The following PCNX2 variants were observed in gnomAD, a reference collection of about 807,000 sequenced individuals.
PCNX2 encodes the protein pecanex-like protein 2.
PCNX2 carries 168 observed loss-of-function variants against 223.8 expected under a neutral mutation model. That is an observed-to-expected ratio of 0.75 (90% CI 0.66 to 0.85). The LOEUF (loss-of-function observed/expected upper bound fraction) is 0.85, where lower values mean the gene tolerates loss of function less well. Among genes scored for constraint, PCNX2 ranks in the 40% least tolerant of loss-of-function variants. The pLI is 0.00. For synonymous variants in PCNX2, 1,006 were observed against 1,052.6 expected, an observed-to-expected ratio of 0.96 and a Z score of 0.86; for missense variants, 2,507 against 2,675.5, an observed-to-expected ratio of 0.94 and a Z score of 1.39.
chr1:233,036,800 C>T (rs1572034954), intron 25 of PCNX2, among the ~76,000 whole-genome samples: 1 of 152,100 alleles, frequency 6.6e-6, no homozygotes, highest in Admixed American at 6.5e-5. Flanking sequence ...ACTAGAATTT[C>T]TAAGAAATGA....
At position 233,269,856 on chromosome 1, in the gene PCNX2, T is replaced by G. The variant is rs542413630; in HGVS notation, c.154-6693A>C. Among the ~76,000 whole-genome samples, 13 of 152,290 alleles carry G rather than the reference T, an allele frequency of 8.5e-5. No homozygotes were observed. In the South Asian group the frequency reaches 2.7e-3, roughly 32 times the overall value. On this transcript the variant is annotated intron_variant, in intron 1 of 33. Transcript: ENST00000258229. Reference sequence around the variant, plus strand: ...TTAGTCTGGTTATTTATGCCATCCGTGGGCTTTAGAACCTCCTACTCAAGC... The same window carrying G: ...TTAGTCTGGTTATTTATGCCATCCGGGGGCTTTAGAACCTCCTACTCAAGC...
At chr1:233,209,378 A>G (rs973135813) in intron 12 of PCNX2, among the ~76,000 whole-genome samples, 1 of 152,234 alleles carries the variant, frequency 6.6e-6, no homozygotes, top group African/African-American at 2.4e-5. Context: ...AGAAAAATTA[A>G]GGAAAAGATA....
At position 233,295,697 on chromosome 1, in the gene PCNX2, C is replaced by T. The variant is rs1281307246; in HGVS notation, c.-219G>A. Reference sequence around the variant, plus strand: ...CGGCGCCGGAGCCGGCTGCTGCGGCCGGGCAGGTGAGCGCCATGTCCGAGG... The same window carrying T: ...CGGCGCCGGAGCCGGCTGCTGCGGCTGGGCAGGTGAGCGCCATGTCCGAGG... On this transcript the variant is annotated 5_prime_UTR_variant, in exon 1 of 34. Transcript: ENST00000258229. This position sits in a 1 kb window ranked among gnomAD's most constrained non-coding sequence, Gnocchi z 4.1. 2 of 434,070 alleles carry T rather than the reference C, an allele frequency of 4.6e-6. No homozygotes were observed. The highest frequency in any genetic ancestry group is 8.5e-5 in the South Asian group (1 of 11,828). 26.9% of individuals were successfully genotyped at this position (434,070 alleles called of 1,614,324 possible).
At chr1:233,175,538 T>C (rs1369771824) in intron 17 of PCNX2, among the ~76,000 whole-genome samples, 3 of 152,160 alleles carry the variant, frequency 2.0e-5, no homozygotes, top group African/African-American at 4.8e-5. Context: ...GGGCATAGTT[T>C]TTCTCAGATA....
chr1:233,133,681 C>T (rs886263269), intron 21 of PCNX2, among the ~76,000 whole-genome samples: 2 of 140,798 alleles, frequency 1.4e-5, no homozygotes, highest in Non-Finnish European at 3.2e-5. Context: ...CATAGCAAGA[C>T]CCTATCTTTA....
rs144082743 is a variant in PCNX2, at chr1:233,293,513, C to T, written c.153+1813G>A. On this transcript the variant is annotated intron_variant, in intron 1 of 33. Coordinates refer to ENST00000258229, the MANE Select transcript of PCNX2 (RefSeq NM_014801.4). Reference sequence around the variant, plus strand: ...CAACAACTAAGTACCAGACAGAATTCGAAAAGTACTATTAATGCTAATAGT... The same window carrying T: ...CAACAACTAAGTACCAGACAGAATTTGAAAAGTACTATTAATGCTAATAGT... Among the ~76,000 whole-genome samples the T allele has an allele frequency of 5.4e-4, 82 of 152,202 alleles. No individual in the cohort carries two copies. The East Asian group carries it at 0.01, about 19-fold the overall frequency.
At chr1:233,044,738 G>T (rs1671769056) in intron 25 of PCNX2, among the ~76,000 whole-genome samples, 1 of 150,796 alleles carries the variant, frequency 6.6e-6, no homozygotes, top group African/African-American at 2.4e-5. Flanking sequence ...GCGTGATCTT[G>T]GCTCACTGCA....
In PCNX2 at chr1:233,137,866, C is replaced by T. The variant is rs115054560; in HGVS notation, c.3659+1848G>A. On this transcript the variant is annotated intron_variant, in intron 20 of 33. Coordinates refer to ENST00000258229, the MANE Select transcript of PCNX2 (RefSeq NM_014801.4). ...GTTGTTCATGCATTCATCCTTCTAA[C>T]GCTTACTAGTGGTTTGCTATTGAAA... 5.6e-3 allele frequency among the ~76,000 whole-genome samples: 850 copies of T among 152,256 alleles called. 6 individuals carry two copies. The highest frequency in any genetic ancestry group is 0.018 in the African/African-American group (739 of 41,548).
At chr1:233,217,302 C>T (rs945938302) in intron 12 of PCNX2, among the ~76,000 whole-genome samples, 1 of 152,020 alleles carries the variant, frequency 6.6e-6, no homozygotes, top group African/African-American at 2.4e-5. Context: ...ATACATATAT[C>T]AAAACATCAC....
intron 10 of PCNX2, among the ~76,000 whole-genome samples, chr1:233,223,166 C>T (rs2102938843): frequency 6.6e-6 from 1 of 152,200 alleles, no homozygotes; most frequent in South Asian, 2.1e-4. Flanking sequence ...AATGCTGAGT[C>T]CTGGAAACCA....
At chr1:232,985,742 T>C in intron 33 of PCNX2, 1 of 547,138 alleles carries the variant, frequency 1.8e-6, no homozygotes, top group Non-Finnish European at 3.2e-6. Flanking sequence ...CAGGCCAGAA[T>C]CATGTGAGAA....
Position 233,186,552 on chromosome 1 carries a change from C to T in PCNX2, c.3067-7377G>A, listed in dbSNP as rs147373426. ...AGTGCACCCCTGTAGCAGCTCTTGTCCATATTCCTCATGGACCTTGAACAC... is the reference window on the plus strand; with the variant it reads ...AGTGCACCCCTGTAGCAGCTCTTGTTCATATTCCTCATGGACCTTGAACAC... On this transcript the variant is annotated intron_variant, in intron 15 of 33. Coordinates refer to ENST00000258229, the MANE Select transcript of PCNX2 (RefSeq NM_014801.4). 5.8e-3 allele frequency among the ~76,000 whole-genome samples: 889 copies of T among 152,262 alleles called. 6 individuals are homozygous for T. The highest frequency in any genetic ancestry group is 0.022 in the South Asian group (104 of 4,824).
intron 28 of PCNX2, among the ~76,000 whole-genome samples, chr1:233,010,268 G>T (rs530121137): frequency 3.3e-5 from 5 of 152,350 alleles, no homozygotes; most frequent in African/African-American, 9.6e-5. Context: ...GGAGTGGGTA[G>T]ATGGTAGATG....
chr1:233,263,107 G>A lies in PCNX2; in HGVS notation c.210C>T (p.Phe70=), dbSNP rs1177235785. ...AACTGACCAGTTTGATTATTGTGAA[G>A]AATATAGTCACTGCACTGCAGTAGA... ...VFFYCSAVTI[F]FTIIKLVSYR... The change falls in exon 2 of 34, where the codon TTC becomes TTT. Residue 70 remains phenylalanine (F), a synonymous_variant. Transcript: ENST00000258229. 4 of 1,613,214 alleles carry A rather than the reference G, an allele frequency of 2.5e-6. No individual in the cohort carries two copies. The highest frequency in any genetic ancestry group is 3.4e-6 in the Non-Finnish European group (4 of 1,179,428).
intron 21 of PCNX2, among the ~76,000 whole-genome samples, chr1:233,121,911 C>T (rs1425541089): frequency 1.3e-5 from 2 of 152,124 alleles, no homozygotes; most frequent in Non-Finnish European, 2.9e-5. Context: ...TGCCTAGATG[C>T]AATGACACCC....
At chr1:233,072,996 G>C (rs2102906782) in intron 23 of PCNX2, among the ~76,000 whole-genome samples, 1 of 152,286 alleles carries the variant, frequency 6.6e-6, no homozygotes, top group South Asian at 2.1e-4. Context: ...CATCAGTGAA[G>C]TCAACTGGTC....
Position 233,235,957 on chromosome 1 carries a change from A to AAATATATATATAT in PCNX2, c.2358+887_2358+888insATATATATATATT, listed in dbSNP as rs369886650. On this transcript the variant is annotated intron_variant, in intron 9 of 33. Transcript: ENST00000258229. ...ATGTGGCAAAGCAATCATAAAAAAAAATATATATATATATATATATATATA... is the reference window on the plus strand; with the variant it reads ...ATGTGGCAAAGCAATCATAAAAAAAAAATATATATATATATATATATATATATATATATATATA... 3.5e-3 allele frequency among the ~76,000 whole-genome samples: 325 copies of AAATATATATATAT among 93,022 alleles called. 2 individuals carry two copies. Among genetic ancestry groups the AAATATATATATAT allele is most frequent in the African/African-American group, 5.8e-3 (148 of 25,568 alleles). 61.0% of individuals were successfully genotyped at this position (93,022 alleles called of 152,430 possible). A position where few individuals can be genotyped will look rare whatever the true frequency, so the allele number is the denominator to read the frequency against.
At chr1:233,080,550 G>T (rs1455248737) in intron 23 of PCNX2, among the ~76,000 whole-genome samples, 3 of 152,070 alleles carry the variant, frequency 2.0e-5, no homozygotes, top group Non-Finnish European at 2.9e-5. Context: ...CGAGATGAGG[G>T]TGTCAGCATG....
At chr1:233,085,798 G>A (rs964095540) in intron 23 of PCNX2, among the ~76,000 whole-genome samples, 1 of 152,086 alleles carries the variant, frequency 6.6e-6, no homozygotes, top group African/African-American at 2.4e-5. Context: ...GAGGCTACAC[G>A]AAAAGAGAGA....
Sources: allele counts gnomAD v4.1 joint callset (sites outside exome capture counted in the v4.1 genomes callset), GRCh38; gene constraint gnomAD v4.1.1; non-coding constraint Gnocchi (gnomAD v3.1); transcripts MANE v1.5; gene names NCBI Gene and HGNC (gene_info 2026-07-23, HGNC 2026-07-21).